PIK3C2B: variants seen among roughly 807,000 people sequenced by gnomAD.
The protein encoded by PIK3C2B is phosphatidylinositol-4-phosphate 3-kinase catalytic subunit type 2 beta.
A neutral mutation model predicts 184.3 loss-of-function variants in PIK3C2B; 83 were observed. The observed-to-expected ratio is 0.45, with a 90% CI of 0.38 to 0.54. The LOEUF is 0.54. Among genes scored for constraint, PIK3C2B ranks in the 20% least tolerant of loss-of-function variants. PIK3C2B has a pLI of 0.00. For synonymous variants in PIK3C2B, 779 were observed against 837.6 expected (o/e 0.93, Z 1.21); for missense variants, 1,736 against 2,113.5 (o/e 0.82, Z 3.50).
intron 19 of PIK3C2B, 99 bp downstream of exon 19, chr1:204,443,318 A>T: frequency 1.6e-6 from 2 of 1,237,916 alleles, no homozygotes; most frequent in Non-Finnish European, 2.2e-6. Flanking sequence ...CAAAATCAAA[A>T]ATCGTCACGT....
At position 204,469,488 on chromosome 1, in the gene PIK3C2B, G is replaced by C; in HGVS notation, c.315C>G (p.His105Gln). Residue 105 changes from histidine to glutamine, a missense_variant, in exon 2 of 33, where the codon CAC (histidine) becomes CAG (glutamine). His to Gln is a conservative substitution (Grantham distance 24). Coordinates refer to ENST00000684373, the MANE Select transcript of PIK3C2B (RefSeq NM_001377334.1). ...SLSPQEGPPNHSTSQGPQPGS... is the reference protein window; with the variant it reads ...SLSPQEGPPNQSTSQGPQPGS... ...CAGGCTGTGGCCCTTGGGAGGTAGA[G>C]TGGTTGGGCGGCCCTTCCTGTGGGG... is the stretch of plus-strand genomic sequence containing the variant. 6.2e-7 allele frequency: 1 copy of C among 1,607,370 alleles called. No individual in the cohort carries two copies. Among genetic ancestry groups the C allele is most frequent in the Non-Finnish European group, 8.5e-7 (1 of 1,176,590 alleles).
At chr1:204,452,804 G>A (rs941983851) in intron 12 of PIK3C2B, among the ~76,000 whole-genome samples, 1 of 151,340 alleles carries the variant, frequency 6.6e-6, no homozygotes, top group Non-Finnish European at 1.5e-5. Context: ...ACAGATGCAC[G>A]CCACCACACT....
At chr1:204,494,176 G>A (rs1465200201) in intron 1 of PIK3C2B, among the ~76,000 whole-genome samples, 180 bp downstream of exon 1, 1 of 152,180 alleles carries the variant, frequency 6.6e-6, no homozygotes, top group South Asian at 2.1e-4. Flanking sequence ...CGGCGGGCAG[G>A]AGCTCAGGCT....
intron 10 of PIK3C2B, among the ~76,000 whole-genome samples, 160 bp downstream of exon 10, chr1:204,456,877 C>CGA (rs1553304088): frequency 1.5e-5 from 1 of 65,440 alleles, no homozygotes; most frequent in Admixed American, 2.1e-4. Context: ...TATAGGAACA[C>CGA]ACACACACAC....
intron 15 of PIK3C2B, among the ~76,000 whole-genome samples, chr1:204,446,766 C>A (rs1315153661): frequency 6.6e-6 from 1 of 152,158 alleles, no homozygotes; most frequent in Non-Finnish European, 1.5e-5. Flanking sequence ...CTCAGCTACT[C>A]CAGCTACTTG....
intron 1 of PIK3C2B, among the ~76,000 whole-genome samples, chr1:204,477,021 A>G (rs1213236378): frequency 6.6e-6 from 1 of 152,218 alleles, no homozygotes; most frequent in Non-Finnish European, 1.5e-5. Context: ...TGCCCTTTGC[A>G]AAGTGTTTGT....
chr1:204,440,783 A>G (rs905570064), intron 21 of PIK3C2B, among the ~76,000 whole-genome samples: 3 of 148,932 alleles, frequency 2.0e-5, no homozygotes, highest in Non-Finnish European at 4.4e-5. Flanking sequence ...ATATATATAT[A>G]TATATTTTTA....
intron 14 of PIK3C2B, among the ~76,000 whole-genome samples, chr1:204,448,500 T>C (rs921310457): frequency 6.6e-6 from 1 of 151,792 alleles, no homozygotes; most frequent in Non-Finnish European, 1.5e-5. Context: ...TAGCCGGGCG[T>C]GGTGGTGTGC....
rs1655546096 is a variant in PIK3C2B, at chr1:204,464,007, C to T, written c.1310+5G>A. ...GCAGGGGCTACCTCCCACCCATTCA[C>T]TCACTTCTGCAGGAACTCCTCCAGC... On this transcript the variant is annotated splice_donor_5th_base_variant and intron_variant, in intron 5 of 32. Coordinates refer to ENST00000684373, the MANE Select transcript of PIK3C2B (RefSeq NM_001377334.1). 4 of 1,613,704 alleles carry T rather than the reference C, an allele frequency of 2.5e-6. No homozygotes were observed. The highest frequency in any genetic ancestry group is 3.4e-6 in the Non-Finnish European group (4 of 1,179,754).
Position 204,431,669 on chromosome 1 carries a change from C to A in PIK3C2B, c.4280G>T (p.Ser1427Ile). The change falls in exon 28 of 33, where the codon AGC (serine) becomes ATC (isoleucine). Residue 1427 changes from serine to isoleucine, a missense_variant and splice_region_variant. Ser to Ile is a moderately radical substitution (Grantham distance 142). Coordinates refer to ENST00000684373, the MANE Select transcript of PIK3C2B (RefSeq NM_001377334.1). ...TGCAGATAGTAAAGGGGGCAGCTAC[C>A]TGGGCAAGTGGGAAGAAGGGAAGAG... Reference protein sequence around the residue: ...RLLFPSSHLPSFPSRFVIGRS... With the variant: ...RLLFPSSHLPIFPSRFVIGRS... The A allele has an allele frequency of 1.2e-6, 2 of 1,614,012 alleles. No homozygotes were observed. Among genetic ancestry groups the A allele is most frequent in the Non-Finnish European group, 1.7e-6 (2 of 1,180,038 alleles).
At position 204,444,412 on chromosome 1, in the gene PIK3C2B, C is replaced by T; in HGVS notation, c.2691G>A (p.Gln897=). Residue 897 remains glutamine (Q), a synonymous_variant, in exon 17 of 33, where the codon CAG becomes CAA. Coordinates refer to ENST00000684373, the MANE Select transcript of PIK3C2B (RefSeq NM_001377334.1). ...LGLLHATFPD[Q]EVRRMAVQWI... ...ACTGCACAGCCATACGACGCACCTC[C>T]TGGTCCGGGAAGCTGCAAAACAGAG... The T allele has an allele frequency of 6.2e-7, 1 of 1,613,346 alleles. No homozygotes were observed. The highest frequency in any genetic ancestry group is 8.5e-7 in the Non-Finnish European group (1 of 1,179,704).
At chr1:204,482,086 G>A (rs1657198374) in intron 1 of PIK3C2B, among the ~76,000 whole-genome samples, 1 of 144,858 alleles carries the variant, frequency 6.9e-6, no homozygotes, top group Non-Finnish European at 1.5e-5. Context: ...TATTTTCCCA[G>A]GGAGGAATGA....
At chr1:204,464,326 C>T (rs929571902) in intron 4 of PIK3C2B, 124 bp downstream of exon 4, 12 of 1,160,002 alleles carry the variant, frequency 1.0e-5, no homozygotes, top group African/African-American at 1.5e-5. Flanking sequence ...CCCCTCACCC[C>T]CAAAGGAGCA....
intron 2 of PIK3C2B, among the ~76,000 whole-genome samples, chr1:204,468,280 A>G (rs1005680234): frequency 4.6e-5 from 7 of 151,954 alleles, no homozygotes; most frequent in Non-Finnish European, 8.8e-5. Context: ...AGAAAGGGAG[A>G]AGGAGAGGAG....
rs143478827 is a variant in PIK3C2B, at chr1:204,485,677, G to A, written c.-85+8679C>T. Among the ~76,000 whole-genome samples, 47 of 151,588 alleles carry A rather than the reference G, an allele frequency of 3.1e-4. 1 individual carries two copies. The highest frequency in any genetic ancestry group is 1.9e-3 in the Admixed American group (29 of 15,184). ...CAACTTCCACCTCCCAGGCCCAAGC[G>A]ATCTTCTCCCATCCTAGCCTCCTGA... On this transcript the variant is annotated intron_variant, in intron 1 of 32. Coordinates refer to ENST00000684373, the MANE Select transcript of PIK3C2B (RefSeq NM_001377334.1).
chr1:204,425,107 G>A lies in PIK3C2B; in HGVS notation c.4717-67C>T, dbSNP rs534392171. ...AACAAGAAGAATCCAGAGGGAACCCGAGAGGGAGATGGTAAAGTCTGTTGG... is the reference window on the plus strand; with the variant it reads ...AACAAGAAGAATCCAGAGGGAACCCAAGAGGGAGATGGTAAAGTCTGTTGG... On this transcript the variant is annotated intron_variant, in intron 32 of 32. Coordinates refer to ENST00000684373, the MANE Select transcript of PIK3C2B (RefSeq NM_001377334.1). 122 of 1,343,680 alleles carry A rather than the reference G, an allele frequency of 9.1e-5. No individual in the cohort carries two copies. The African/African-American group carries it at 1.5e-3, about 17-fold the overall frequency. The allele number at this position is 1,343,680 out of a possible 1,614,324, so 83.2% of individuals were successfully genotyped here.
chr1:204,448,580 G>C (rs1449648551), intron 14 of PIK3C2B, among the ~76,000 whole-genome samples: 3 of 149,024 alleles, frequency 2.0e-5, no homozygotes, highest in Admixed American at 6.7e-5. Context: ...AGAGGTTGCA[G>C]TGAGCCAAGA....
intron 23 of PIK3C2B, among the ~76,000 whole-genome samples, chr1:204,436,996 G>T (rs1176442800): frequency 6.6e-6 from 1 of 152,212 alleles, no homozygotes; most frequent in Non-Finnish European, 1.5e-5. Context: ...ACTGCCTACA[G>T]TACTGCAGAA....
intron 1 of PIK3C2B, among the ~76,000 whole-genome samples, chr1:204,494,144 G>C (rs1658210614): frequency 6.6e-6 from 1 of 152,208 alleles, no homozygotes; most frequent in African/African-American, 2.4e-5. Flanking sequence ...GTGGAGTGGG[G>C]TGAGGGGCAA....
Sources: gnomAD v4.1 joint callset for allele counts (sites outside exome capture counted in the v4.1 genomes callset) on GRCh38, gnomAD v4.1.1 for gene constraint, MANE v1.5 for transcripts, NCBI Gene and HGNC (gene_info 2026-07-23, HGNC 2026-07-21) for gene names.